Variants in DEF6 observed in about 807,000 individuals in gnomAD.
The protein encoded by DEF6 is differentially expressed in FDCP 6 homolog.
DEF6 carries 32 observed loss-of-function variants against 80.5 expected under a neutral mutation model. That is an observed-to-expected ratio of 0.40 (90% CI 0.30 to 0.53). DEF6 has a LOEUF of 0.53. DEF6 is among the 20% of genes least tolerant of loss of function. The pLI, the probability that DEF6 is intolerant of heterozygous loss-of-function variation, is 0.57. For missense variants in DEF6, 575 were observed against 818.7 expected (o/e 0.70, Z 3.63); for synonymous variants, 300 against 337.9 (o/e 0.89, Z 1.23).
intron 9 of DEF6, 94 bp downstream of exon 9, chr6:35,320,111 C>G: frequency 7.9e-7 from 1 of 1,270,608 alleles, no homozygotes; most frequent in East Asian, 2.5e-5. Context: ...AAACCCTGGC[C>G]CTAGCAGCTG....
chr6:35,308,731 T>TAAAATAAAATAAAATAAAATAAAA (rs1791425536), intron 1 of DEF6, among the ~76,000 whole-genome samples: 1 of 138,134 alleles, frequency 7.2e-6, no homozygotes, highest in African/African-American at 2.7e-5. Flanking sequence ...ATAAAATAAA[T>TAAAATAAAATAAAATAAAATAAAA]AAAATAATAA....
intron 1 of DEF6, among the ~76,000 whole-genome samples, chr6:35,300,926 G>A (rs1201617856): frequency 6.6e-6 from 1 of 152,192 alleles, no homozygotes; most frequent in African/African-American, 2.4e-5. Context: ...CTTCCCCACT[G>A]ACTATCAGGC....
chr6:35,306,177 AGCC>A (rs1791386989), intron 1 of DEF6, among the ~76,000 whole-genome samples: 1 of 146,952 alleles, frequency 6.8e-6, no homozygotes, highest in African/African-American at 2.5e-5. Context: ...TACAGGCGTG[AGCC>A]CCTGCACCCG....
rs1481834002 is a variant in DEF6, at chr6:35,308,369, CGAAAA to C, written c.97-1300_97-1296del. ...AACATATGCAGACCTCTGTCTCTACCGAAAAAAAAAAAAAAAGTTTTGGCCGGGCA... is the reference window on the plus strand; with the variant it reads ...AACATATGCAGACCTCTGTCTCTACCAAAAAAAAAAAGTTTTGGCCGGGCA... On this transcript the variant is annotated intron_variant, in intron 1 of 10. Coordinates refer to ENST00000316637, the MANE Select transcript of DEF6 (RefSeq NM_022047.4). Among the ~76,000 whole-genome samples, 3 of 127,716 alleles carry C rather than the reference CGAAAA, an allele frequency of 2.3e-5. No individual in the cohort carries two copies. The Admixed American group carries it at 2.5e-4, about 11-fold the overall frequency. 83.8% of individuals were successfully genotyped at this position (127,716 alleles called of 152,430 possible). A position where few individuals can be genotyped will look rare whatever the true frequency, so the allele number is the denominator to read the frequency against.
In DEF6 at chr6:35,309,778, A is replaced by C. The variant is rs778677729; in HGVS notation, c.205A>C (p.Met69Leu). 6.2e-7 allele frequency: 1 copy of C among 1,614,080 alleles called. No individual in the cohort carries two copies. Among genetic ancestry groups the C allele is most frequent in the Non-Finnish European group, 8.5e-7 (1 of 1,180,006 alleles). ...CGGCCCTGTGTCCAGCCAGGGATAC[A>C]TGCCCTACCTCAACAAGTACATCCT... ...DDGPVSSQGY[M>L]PYLNKYILDK... Residue 69 changes from methionine (M) to leucine (L), a missense_variant, in exon 2 of 11, where the codon ATG becomes CTG. Physicochemically the swap from Met to Leu is conservative, Grantham distance 15 (BLOSUM62 2). Transcript: ENST00000316637.
At chr6:35,313,251 A>C in intron 5 of DEF6, 1 of 406,546 alleles carries the variant, frequency 2.5e-6, no homozygotes, top group African/African-American at 2.1e-5. Context: ...ATATGTATAT[A>C]TGTGTGTGTA....
chr6:35,308,948 G>A (rs1791428124), intron 1 of DEF6, among the ~76,000 whole-genome samples: 1 of 151,972 alleles, frequency 6.6e-6, no homozygotes, highest in Admixed American at 6.6e-5. Context: ...TCATGGATTT[G>A]TTCAACAAAC....
At chr6:35,305,489 CTAAA>C (rs1337968943) in intron 1 of DEF6, among the ~76,000 whole-genome samples, 1 of 151,770 alleles carries the variant, frequency 6.6e-6, no homozygotes, top group Non-Finnish European at 1.5e-5. Context: ...GACCCCGTCT[CTAAA>C]TAAATAAACA....
At chr6:35,304,775 C>G (rs944281757) in intron 1 of DEF6, among the ~76,000 whole-genome samples, 1 of 151,944 alleles carries the variant, frequency 6.6e-6, no homozygotes, top group African/African-American at 2.4e-5. Context: ...GTAGAACACC[C>G]AGAAATGCTC....
At chr6:35,306,435 C>G (rs929189148) in intron 1 of DEF6, among the ~76,000 whole-genome samples, 2 of 151,336 alleles carry the variant, frequency 1.3e-5, no homozygotes, top group Admixed American at 1.3e-4. Context: ...CACCTGAACC[C>G]GAGAGGCAGA....
chr6:35,309,654 C>T lies in DEF6; in HGVS notation c.97-16C>T. ...TGGGGTGCAGAAAGACACACTGCCA[C>T]TCTACTCTATCCCAGGTGCTGTCCC... On this transcript the variant is annotated splice_polypyrimidine_tract_variant and intron_variant, in intron 1 of 10. Coordinates refer to ENST00000316637, the MANE Select transcript of DEF6 (RefSeq NM_022047.4). The T allele has an allele frequency of 6.2e-7, 1 of 1,611,862 alleles. No individual in the cohort carries two copies. The highest frequency in any genetic ancestry group is 8.5e-7 in the Non-Finnish European group (1 of 1,178,562).
At chr6:35,306,236 C>T (rs1421741749) in intron 1 of DEF6, among the ~76,000 whole-genome samples, 1 of 148,812 alleles carries the variant, frequency 6.7e-6, no homozygotes, top group Admixed American at 6.7e-5. Context: ...GTTGGCCGGG[C>T]GCGGTGGCTC....
At chr6:35,316,008 T>G (rs1346924888) in intron 5 of DEF6, 1 of 160,480 alleles carries the variant, frequency 6.2e-6, no homozygotes, top group African/African-American at 2.4e-5. Context: ...TACAGGCACC[T>G]GCCACCACAC....
rs1434069348 is a variant in DEF6 at position 35,312,038 on chromosome 6, T to G, written c.424-264T>G. 6.6e-6 allele frequency among the ~76,000 whole-genome samples: 1 copy of G among 152,112 alleles called. No individual in the cohort carries two copies. The highest frequency in any genetic ancestry group is 1.5e-5 in the Non-Finnish European group (1 of 68,018). ...CTCTTTCTGGACCCCAGATCTCAGGTCCCCTTCACCTTGCCCTTAAGACAG... is the reference window on the plus strand; with the variant it reads ...CTCTTTCTGGACCCCAGATCTCAGGGCCCCTTCACCTTGCCCTTAAGACAG... On this transcript the variant is annotated intron_variant, in intron 3 of 10. Transcript: ENST00000316637. This position sits in a 1 kb window ranked among gnomAD's most constrained non-coding sequence, Gnocchi z 6.6.
At chr6:35,305,075 A>G (rs1336115462) in intron 1 of DEF6, among the ~76,000 whole-genome samples, 3 of 144,240 alleles carry the variant, frequency 2.1e-5, no homozygotes, top group African/African-American at 5.1e-5. Context: ...CTCCTAAAGC[A>G]TTGGGATTAC....
intron 9 of DEF6, among the ~76,000 whole-genome samples, chr6:35,320,620 T>C (rs1210853105): frequency 6.6e-6 from 1 of 152,244 alleles, no homozygotes; most frequent in Non-Finnish European, 1.5e-5. Context: ...ATAATAAATA[T>C]GCTTAGCACA....
rs1582233014 is a variant in DEF6, at chr6:35,315,514, C to T, written c.808-2377C>T. ...GCCTTTGCTATTTTGACAGAGATTG[C>T]ACCAAATCTATAAATTGCTTTGGGT... On this transcript the variant is annotated intron_variant, in intron 5 of 10. Transcript: ENST00000316637. 2.0e-5 allele frequency among the ~76,000 whole-genome samples: 3 copies of T among 152,092 alleles called. No homozygotes were observed. In the East Asian group the frequency reaches 5.8e-4, roughly 29 times the overall value.
chr6:35,301,282 A>C (rs968544040), intron 1 of DEF6, among the ~76,000 whole-genome samples: 1 of 152,136 alleles, frequency 6.6e-6, no homozygotes. Flanking sequence ...CCTGTGTGCT[A>C]CTGGTCTCCC....
chr6:35,316,700 A>G (rs966901070), intron 5 of DEF6, among the ~76,000 whole-genome samples: 6 of 152,220 alleles, frequency 3.9e-5, no homozygotes, highest in African/African-American at 1.4e-4. Flanking sequence ...ATGATGTGTC[A>G]TGCATATTGA....
Sources: allele counts gnomAD v4.1 joint callset (sites outside exome capture counted in the v4.1 genomes callset), GRCh38; gene constraint gnomAD v4.1.1; non-coding constraint Gnocchi (gnomAD v3.1); transcripts MANE v1.5; gene names NCBI Gene and HGNC (gene_info 2026-07-23, HGNC 2026-07-21).